ATP10B: variants seen among roughly 807,000 people sequenced by gnomAD.
The protein encoded by ATP10B is phospholipid-transporting ATPase VB.
A neutral mutation model predicts 141.2 loss-of-function variants in ATP10B; 122 were observed. That is an observed-to-expected ratio of 0.86 (90% CI 0.75 to 1.00). The LOEUF (loss-of-function observed/expected upper bound fraction) is 1.00. Ranked by LOEUF, ATP10B falls within the 50% of genes least tolerant of loss-of-function variation. The pLI, the probability that ATP10B is intolerant of heterozygous loss-of-function variation, is 0.00. For synonymous variants in ATP10B, 685 were observed against 692.0 expected (o/e 0.99, Z 0.16); for missense variants, 1,876 against 1,825.3 (o/e 1.03, Z -0.51).
chr5:160,879,412 G>A, the ATP10B span, among the ~76,000 whole-genome samples: 3 of 125,670 alleles, frequency 2.4e-5, no homozygotes, highest in Admixed American at 8.1e-5. Context: ...GGGAGGGATA[G>A]CATTGGGAGA....
intron 1 of ATP10B, among the ~76,000 whole-genome samples, chr5:160,827,090 A>G (rs1051847761): frequency 1.2e-4 from 18 of 151,778 alleles, no homozygotes; most frequent in Non-Finnish European, 1.5e-4. Flanking sequence ...CTGTTCCTAC[A>G]CCCCCTCCCC....
chr5:160,742,131 T>C (rs1767521461), intron 2 of ATP10B, among the ~76,000 whole-genome samples: 1 of 152,202 alleles, frequency 6.6e-6, no homozygotes, highest in Non-Finnish European at 1.5e-5. Flanking sequence ...TGATATCTAC[T>C]TCTGGTACTG....
chr5:160,871,514 C>G, the ATP10B span, among the ~76,000 whole-genome samples: 2 of 151,986 alleles, frequency 1.3e-5, no homozygotes, highest in African/African-American at 4.8e-5. Flanking sequence ...TTATCCCTTG[C>G]TCCCTTTTCC....
At chr5:160,813,847 T>A (rs1773360913) in intron 1 of ATP10B, among the ~76,000 whole-genome samples, 1 of 152,154 alleles carries the variant, frequency 6.6e-6, no homozygotes, top group Non-Finnish European at 1.5e-5. Context: ...TTCTGCAGCC[T>A]CCACTGCTGA....
intron 3 of ATP10B, among the ~76,000 whole-genome samples, chr5:160,708,136 G>A (rs778694398): frequency 2.0e-5 from 3 of 152,134 alleles, no homozygotes; most frequent in Admixed American, 6.5e-5. Flanking sequence ...ATCCACTGAC[G>A]TTCCCTGGTG....
chr5:160,591,954 A>G (rs1756326551), intron 22 of ATP10B, among the ~76,000 whole-genome samples: 1 of 152,014 alleles, frequency 6.6e-6, no homozygotes, highest in African/African-American at 2.4e-5. Context: ...CAAATACTAC[A>G]CTTGGCTTTG....
chr5:160,684,820 A>T (rs1022183827), intron 6 of ATP10B: 1 of 671,620 alleles, frequency 1.5e-6, no homozygotes, highest in African/African-American at 1.8e-5. Context: ...ACTTCCCCAG[A>T]GTTTTTTGCT....
chr5:160,733,626 CAT>C (rs1189431507), intron 2 of ATP10B, among the ~76,000 whole-genome samples: 5 of 151,196 alleles, frequency 3.3e-5, no homozygotes, highest in Non-Finnish European at 7.4e-5. Flanking sequence ...ATATATTACA[CAT>C]ATATGTAACA....
At chr5:160,767,743 C>A (rs763915696) in intron 2 of ATP10B, among the ~76,000 whole-genome samples, 5 of 149,990 alleles carry the variant, frequency 3.3e-5, no homozygotes, top group Non-Finnish European at 7.4e-5. Context: ...GCAGTTTAAT[C>A]CTGGATTCTT....
intron 18 of ATP10B, 95 bp downstream of exon 18, chr5:160,612,646 G>A (rs1757779515): frequency 1.7e-5 from 20 of 1,157,318 alleles, no homozygotes; most frequent in South Asian, 1.5e-4. Context: ...CTTCCCTGGT[G>A]TACCCAAATC....
At chr5:160,650,377 T>C (rs1466085143) in intron 7 of ATP10B, among the ~76,000 whole-genome samples, 2 of 152,134 alleles carry the variant, frequency 1.3e-5, no homozygotes, top group African/African-American at 2.4e-5. Flanking sequence ...AGTGTCCTTA[T>C]ACAATGGCTG....
intron 2 of ATP10B, among the ~76,000 whole-genome samples, chr5:160,737,724 G>A (rs1767219293): frequency 6.6e-6 from 1 of 151,952 alleles, no homozygotes; most frequent in East Asian, 1.9e-4. Context: ...GAAAAAAGAA[G>A]AGGCATTTTA....
At chr5:160,742,200 T>C (rs1273078954) in intron 2 of ATP10B, among the ~76,000 whole-genome samples, 2 of 152,160 alleles carry the variant, frequency 1.3e-5, no homozygotes, top group Admixed American at 1.3e-4. Flanking sequence ...TCTTGAAATA[T>C]GTGAGGTGAC....
At chr5:160,755,838 A>AATATATATATATATATAT (rs1181077522) in intron 2 of ATP10B, among the ~76,000 whole-genome samples, 2 of 45,418 alleles carry the variant, frequency 4.4e-5, no homozygotes, top group Non-Finnish European at 8.1e-5. Context: ...AAAAAAAAAA[A>AATATATATATATATATAT]ATATATATAT....
chr5:160,704,612 T>C (rs1583290), intron 3 of ATP10B, among the ~76,000 whole-genome samples: 134,755 of 152,182 alleles, frequency 0.89, 59,969 homozygotes, highest in African/African-American at 0.97. Flanking sequence ...AGAGAGTCAG[T>C]CTGTTCTTTG....
chr5:160,601,546 T>A (rs1342092650), intron 21 of ATP10B, among the ~76,000 whole-genome samples: 7 of 152,204 alleles, frequency 4.6e-5, no homozygotes, highest in Admixed American at 4.6e-4. Flanking sequence ...TTCTGACCGT[T>A]TTAATACCTC....
the ATP10B span, among the ~76,000 whole-genome samples, chr5:160,898,541 T>C: frequency 1.1e-4 from 16 of 152,318 alleles, no homozygotes; most frequent in African/African-American, 3.9e-4. Context: ...TTTTACACTG[T>C]TGGTGAGAGT....
chr5:160,662,893 C>G (rs1286225160), intron 7 of ATP10B, among the ~76,000 whole-genome samples: 2 of 152,126 alleles, frequency 1.3e-5, no homozygotes, highest in African/African-American at 4.8e-5. Flanking sequence ...TTGCAATCTA[C>G]CCATCTGACA....
intron 9 of ATP10B, among the ~76,000 whole-genome samples, chr5:160,643,597 A>T (rs1760042369): frequency 6.6e-6 from 1 of 152,232 alleles, no homozygotes; most frequent in South Asian, 2.1e-4. Flanking sequence ...ATAGGCCTCC[A>T]TATATGGAGC....
Sources: allele counts gnomAD v4.1 joint callset (sites outside exome capture counted in the v4.1 genomes callset), GRCh38; gene constraint gnomAD v4.1.1; transcripts MANE v1.5; gene names NCBI Gene and HGNC (gene_info 2026-07-23, HGNC 2026-07-21).